Variants in RIPOR3 observed in about 807,000 individuals in gnomAD.
RIPOR3 encodes RIPOR family member 3, also known as family with sequence similarity 65 member C.
A neutral mutation model predicts 114.3 loss-of-function variants in RIPOR3; 95 were observed. The observed-to-expected ratio is 0.83, with a 90% confidence interval of 0.70 to 0.99. RIPOR3 has a LOEUF of 0.99. Ranked by LOEUF, RIPOR3 falls within the 50% of genes least tolerant of loss-of-function variation. The probability of loss-of-function intolerance (pLI) is 0.00; values close to 1 mark genes in which losing one functional copy is unlikely to be tolerated. For synonymous variants in RIPOR3, 575 were observed against 543.8 expected, an observed-to-expected ratio of 1.06 and a Z score of -0.80; for missense variants, 1,252 against 1,266.9, an observed-to-expected ratio of 0.99 and a Z score of 0.18.
Position 50,691,343 on chromosome 20 carries a change from C to G in RIPOR3, c.-215G>C, listed in dbSNP as rs1027664382. Reference sequence around the variant, plus strand: ...ACCTGCTGCGCCCCGAGTCTTCCTTCTGGTGCAGGGAGGCCGGTGCCCTGC... The same window carrying G: ...ACCTGCTGCGCCCCGAGTCTTCCTTGTGGTGCAGGGAGGCCGGTGCCCTGC... On this transcript the variant is annotated 5_prime_UTR_variant, in exon 1 of 22. Coordinates refer to ENST00000327979, the MANE Select transcript of RIPOR3 (RefSeq NM_001290268.2). 2.8e-5 allele frequency: 13 copies of G among 456,794 alleles called. No homozygotes were observed. Among genetic ancestry groups the G allele is most frequent in the African/African-American group, 8.1e-5 (4 of 49,086 alleles). The allele number at this position is 456,794 out of a possible 1,614,324, so 28.3% of individuals were successfully genotyped here.
At chr20:50,687,356 G>A (rs971602539) in intron 1 of RIPOR3, among the ~76,000 whole-genome samples, 2 of 152,220 alleles carry the variant, frequency 1.3e-5, no homozygotes, top group African/African-American at 4.8e-5. Flanking sequence ...AGTGAGATGG[G>A]GAAATTGAAA....
intron 1 of RIPOR3, among the ~76,000 whole-genome samples, chr20:50,659,379 G>A (rs1409292330): frequency 6.6e-6 from 1 of 152,090 alleles, no homozygotes; most frequent in Non-Finnish European, 1.5e-5. Context: ...GGGTGCGGTG[G>A]CTCACAACTG....
Position 50,604,791 on chromosome 20 carries a change from AAGGTC to A in RIPOR3, c.957-22_957-18del. Reference sequence around the variant, plus strand: ...TCAAACGGGCTGGAGGAGAGAACAGAAGGTCAGGATGCCATCGGCACCCAGAGGCC... The same window carrying A: ...TCAAACGGGCTGGAGGAGAGAACAGAAGGATGCCATCGGCACCCAGAGGCC... On this transcript the variant is annotated intron_variant, in intron 11 of 21. Transcript: ENST00000327979. 6.2e-7 allele frequency: 1 copy of A among 1,604,906 alleles called. No individual in the cohort carries two copies. Among genetic ancestry groups the A allele is most frequent in the Non-Finnish European group, 8.5e-7 (1 of 1,177,032 alleles).
chr20:50,661,403 T>C (rs2085992173), intron 1 of RIPOR3, among the ~76,000 whole-genome samples: 1 of 151,956 alleles, frequency 6.6e-6, no homozygotes, highest in Admixed American at 6.6e-5. Flanking sequence ...CAAAAGAAAA[T>C]AAACATCTCC....
intron 1 of RIPOR3, among the ~76,000 whole-genome samples, chr20:50,673,268 C>G (rs1342625121): frequency 1.3e-5 from 2 of 152,172 alleles, no homozygotes; most frequent in African/African-American, 4.8e-5. Flanking sequence ...ACCCACAGAC[C>G]CCTCTGAGGT....
chr20:50,650,456 C>T lies in RIPOR3; in HGVS notation c.4-19600G>A, dbSNP rs182762793. On this transcript the variant is annotated intron_variant, in intron 1 of 21. Coordinates refer to ENST00000327979, the MANE Select transcript of RIPOR3 (RefSeq NM_001290268.2). Reference sequence around the variant, plus strand: ...TAGCTGGGACCACAGGTGTGCACCACCACACCTGGCTAACTTTTTGTACTT... The same window carrying T: ...TAGCTGGGACCACAGGTGTGCACCATCACACCTGGCTAACTTTTTGTACTT... Among the ~76,000 whole-genome samples, 216 of 152,222 alleles carry T rather than the reference C, an allele frequency of 1.4e-3. 4 individuals are homozygous for T. The highest frequency in any genetic ancestry group is 0.013 in the Admixed American group (196 of 15,278).
At chr20:50,635,752 A>G (rs920541387) in intron 1 of RIPOR3, among the ~76,000 whole-genome samples, 3 of 152,238 alleles carry the variant, frequency 2.0e-5, no homozygotes, top group Non-Finnish European at 4.4e-5. Context: ...CCGAGGTCAC[A>G]CAGGTAGGAA....
chr20:50,594,704 C>G lies in RIPOR3; in HGVS notation c.2061G>C (p.Gln687His). The G allele has an allele frequency of 6.2e-7, 1 of 1,609,980 alleles. No homozygotes were observed. Among genetic ancestry groups the G allele is most frequent in the Non-Finnish European group, 8.5e-7 (1 of 1,177,050 alleles). ...TCAGGCACCCCTTCGTCCGCGAGGC[C>G]TGTGGGATGACTGAAAGCCCCAGTT... ...KATSIEEIIPQASRTKGCLKL... is the reference protein window; with the variant it reads ...KATSIEEIIPHASRTKGCLKL... Residue 687 changes from glutamine to histidine, a missense_variant, in exon 17 of 22, where the codon CAG becomes CAC. Transcript: ENST00000327979.
rs528817521 is a variant in RIPOR3, at chr20:50,639,273, C to T, written c.4-8417G>A. Among the ~76,000 whole-genome samples the T allele has an allele frequency of 5.3e-5, 8 of 152,064 alleles. No homozygotes were observed. The South Asian group carries it at 6.2e-4, about 12-fold the overall frequency. On this transcript the variant is annotated intron_variant, in intron 1 of 21. Coordinates refer to ENST00000327979, the MANE Select transcript of RIPOR3 (RefSeq NM_001290268.2). ...AAAAAACCTGAAAACAGCAATAATG[C>T]CAGTGGTACCCAACACGGCTACAGG...
intron 7 of RIPOR3, 41 bp from the exon 8 acceptor site, chr20:50,609,397 T>C: frequency 1.9e-6 from 3 of 1,604,648 alleles, no homozygotes; most frequent in Non-Finnish European, 2.6e-6. Flanking sequence ...TGCCTGGGGC[T>C]AGGCCACGAG....
intron 1 of RIPOR3, among the ~76,000 whole-genome samples, chr20:50,664,388 ACTCC>A (rs2086112844): frequency 6.6e-6 from 1 of 151,988 alleles, no homozygotes; most frequent in East Asian, 1.9e-4. Context: ...GCTGTGCGCC[ACTCC>A]TGAGAGCTGG....
At chr20:50,596,956 C>CTT (rs11484213) in intron 14 of RIPOR3, 11 of 151,310 alleles carry the variant, frequency 7.3e-5, no homozygotes, top group Non-Finnish European at 1.2e-4. Flanking sequence ...GGGCTAAGAG[C>CTT]TTTTTTTTTC....
chr20:50,677,962 G>T (rs1012048716), intron 1 of RIPOR3, among the ~76,000 whole-genome samples: 1 of 152,082 alleles, frequency 6.6e-6, no homozygotes. Flanking sequence ...GAGCCACCGC[G>T]CCTGGCCTTA....
chr20:50,604,598 C>A, intron 12 of RIPOR3, 47 bp downstream of exon 12: 1 of 1,560,568 alleles, frequency 6.4e-7, no homozygotes, highest in Non-Finnish European at 8.6e-7. Flanking sequence ...GTGCTGCCCC[C>A]ATCCCAGGGT....
At chr20:50,689,445 A>G (rs1359789994) in intron 1 of RIPOR3, among the ~76,000 whole-genome samples, 1 of 152,042 alleles carries the variant, frequency 6.6e-6, no homozygotes, top group Admixed American at 6.6e-5. Flanking sequence ...CAAAGTGCTG[A>G]GATTACAGGC....
chr20:50,666,183 A>ATTACTTTTCTTTTCT (rs1555873215), intron 1 of RIPOR3, among the ~76,000 whole-genome samples: 10 of 43,734 alleles, frequency 2.3e-4, no homozygotes, highest in African/African-American at 4.8e-4. Context: ...AAGGACACCC[A>ATTACTTTTCTTTTCT]TTTCTTTTCT....
rs1050036716 is a variant in RIPOR3 at position 50,597,850 on chromosome 20, C to T, written c.1660-140G>A. The T allele has an allele frequency of 3.1e-6, 4 of 1,300,270 alleles. No individual in the cohort carries two copies. In the African/African-American group the frequency reaches 5.9e-5, roughly 19 times the overall value. The allele number at this position is 1,300,270 out of a possible 1,614,324, so 80.5% of individuals were successfully genotyped here. A position where few individuals can be genotyped will look rare whatever the true frequency, so the allele number is the denominator to read the frequency against. ...CCCACACACCGTCCCCCAGCAGAAG[C>T]CCAGCCGCTGGCCCAAGGCGTGGCA... On this transcript the variant is annotated intron_variant, in intron 13 of 21. Coordinates refer to ENST00000327979, the MANE Select transcript of RIPOR3 (RefSeq NM_001290268.2).
intron 1 of RIPOR3, among the ~76,000 whole-genome samples, chr20:50,632,567 T>G (rs746414732): frequency 6.6e-6 from 1 of 152,222 alleles, no homozygotes; most frequent in African/African-American, 2.4e-5. Context: ...TGGTGCCCCA[T>G]GAGTGGCTAC....
intron 11 of RIPOR3, among the ~76,000 whole-genome samples, chr20:50,607,149 A>C (rs1308058779): frequency 6.6e-6 from 1 of 152,184 alleles, no homozygotes; most frequent in African/African-American, 2.4e-5. Context: ...ACTCATTGTC[A>C]AGACCCTCCA....
Sources: gnomAD v4.1 joint callset for allele counts (sites outside exome capture counted in the v4.1 genomes callset) on GRCh38, gnomAD v4.1.1 for gene constraint, MANE v1.5 for transcripts, NCBI Gene and HGNC (gene_info 2026-07-23, HGNC 2026-07-21) for gene names.